Variants in LPP observed in about 807,000 individuals in gnomAD.
The protein encoded by LPP is lipoma-preferred partner.
In LPP, 38 loss-of-function variants were observed where a neutral mutation model predicts 60.4. The ratio of observed to expected loss-of-function variants is 0.63; its 90% CI spans 0.49 to 0.83. The LOEUF is 0.83. Ranked by LOEUF, LPP falls within the 40% of genes least tolerant of loss-of-function variation. The pLI is 0.00. For missense variants in LPP, 902 were observed against 783.6 expected (o/e 1.15, Z -1.80); for synonymous variants, 328 against 290.8 (o/e 1.13, Z -1.30).
chr3:188,177,169 G>C (rs1375462030), intron 1 of LPP, among the ~76,000 whole-genome samples: 1 of 152,198 alleles, frequency 6.6e-6, no homozygotes, highest in Non-Finnish European at 1.5e-5. Flanking sequence ...AGGCCTGGGG[G>C]TGGTCCAGTG....
intron 2 of LPP, among the ~76,000 whole-genome samples, chr3:188,316,054 A>T (rs1332107768): frequency 6.6e-6 from 1 of 152,204 alleles, no homozygotes; most frequent in Non-Finnish European, 1.5e-5. Context: ...CAGGCAGATC[A>T]CCTGAGGTCA....
rs1718509629 is a variant in LPP, at chr3:188,228,164, A to T, written c.-67+2637A>T. ...GAGGATGCTGAGAGGACCAGGAATG[A>T]TGGCCAACCAAGAAGTGTTACGGGA... On this transcript the variant is annotated intron_variant, in intron 2 of 11. Coordinates refer to ENST00000617246, the MANE Select transcript of LPP (RefSeq NM_001375462.1). 2.0e-5 allele frequency among the ~76,000 whole-genome samples: 3 copies of T among 152,232 alleles called. 1 individual carries two copies. The South Asian group carries it at 6.2e-4, about 32-fold the overall frequency.
intron 2 of LPP, chr3:188,240,209 A>G (rs1327156708): frequency 5.6e-6 from 1 of 178,974 alleles, no homozygotes; most frequent in African/African-American, 2.4e-5. Context: ...TTTTCCTTTC[A>G]TAAACTAATT....
At chr3:188,190,792 C>T (rs774349488) in intron 1 of LPP, among the ~76,000 whole-genome samples, 19 of 152,146 alleles carry the variant, frequency 1.2e-4, no homozygotes, top group Admixed American at 7.2e-4. Flanking sequence ...AATTTAGCCC[C>T]GGCCATAATG....
At chr3:188,351,589 G>A (rs977219441) in intron 3 of LPP, among the ~76,000 whole-genome samples, 1 of 152,178 alleles carries the variant, frequency 6.6e-6, no homozygotes, top group South Asian at 2.1e-4. Flanking sequence ...TGTGACAGGT[G>A]TTTTCACATA....
intron 6 of LPP, among the ~76,000 whole-genome samples, chr3:188,569,693 G>A (rs967803342): frequency 3.3e-5 from 5 of 151,954 alleles, no homozygotes; most frequent in Non-Finnish European, 5.9e-5. Context: ...AACTCATCGA[G>A]GCACTAAGTG....
At chr3:188,793,261 A>G (rs924116841) in intron 9 of LPP, among the ~76,000 whole-genome samples, 1 of 150,268 alleles carries the variant, frequency 6.7e-6, no homozygotes, top group African/African-American at 2.5e-5. Context: ...CTGTTCCCGC[A>G]ACCTATGCCT....
chr3:188,223,682 A>C (rs1716651365), intron 1 of LPP, among the ~76,000 whole-genome samples: 1 of 152,108 alleles, frequency 6.6e-6, no homozygotes, highest in Non-Finnish European at 1.5e-5. Flanking sequence ...AAAATCTGGG[A>C]AGTCAGATGC....
intron 8 of LPP, among the ~76,000 whole-genome samples, chr3:188,733,775 GTTGTT>G (rs75447516): frequency 6.6e-6 from 1 of 151,782 alleles, no homozygotes; most frequent in Non-Finnish European, 1.5e-5. Flanking sequence ...TGTTTTTGTG[GTTGTT>G]TTGTTTTGTT....
chr3:188,469,691 T>G (rs184486260), intron 4 of LPP, among the ~76,000 whole-genome samples: 1 of 152,230 alleles, frequency 6.6e-6, no homozygotes, highest in Non-Finnish European at 1.5e-5. Context: ...GGTCTTATGC[T>G]TTTCTCTCAC....
intron 4 of LPP, among the ~76,000 whole-genome samples, chr3:188,440,451 T>C (rs1459274106): frequency 6.6e-6 from 1 of 152,188 alleles, no homozygotes; most frequent in East Asian, 1.9e-4. Flanking sequence ...TAGGATTTTT[T>C]TGTAGTCCTT....
At chr3:188,419,412 G>A (rs1787179418) in intron 4 of LPP, among the ~76,000 whole-genome samples, 1 of 152,182 alleles carries the variant, frequency 6.6e-6, no homozygotes, top group East Asian at 1.9e-4. Context: ...AGAAGAAAGA[G>A]TTTGCTTGGA....
chr3:188,721,795 G>T (rs551825812), intron 8 of LPP, among the ~76,000 whole-genome samples: 1 of 152,158 alleles, frequency 6.6e-6, no homozygotes, highest in Non-Finnish European at 1.5e-5. Flanking sequence ...ATTGTTCCAG[G>T]CATCCAGCAC....
intron 5 of LPP, among the ~76,000 whole-genome samples, chr3:188,508,646 A>G (rs573887255): frequency 6.6e-6 from 1 of 152,358 alleles, no homozygotes; most frequent in Non-Finnish European, 1.5e-5. Context: ...TCGAGGTGGT[A>G]AACGTCTTTG....
intron 5 of LPP, among the ~76,000 whole-genome samples, chr3:188,491,549 A>G (rs1417692268): frequency 6.6e-6 from 1 of 152,216 alleles, no homozygotes; most frequent in Non-Finnish European, 1.5e-5. Context: ...TGACCCTGAC[A>G]GCAACAGTAG....
chr3:188,503,364 C>T (rs979922167), intron 5 of LPP, among the ~76,000 whole-genome samples: 1 of 151,994 alleles, frequency 6.6e-6, no homozygotes, highest in Non-Finnish European at 1.5e-5. Flanking sequence ...CAAAATTGGG[C>T]TTACCAATCA....
chr3:188,803,341 A>G (rs1395066927), intron 9 of LPP, among the ~76,000 whole-genome samples: 1 of 152,100 alleles, frequency 6.6e-6, no homozygotes, highest in African/African-American at 2.4e-5. Context: ...CTTGTTGTAT[A>G]TGCTTTTATG....
intron 2 of LPP, among the ~76,000 whole-genome samples, chr3:188,291,068 A>G (rs1405976781): frequency 6.6e-6 from 1 of 152,228 alleles, no homozygotes; most frequent in Non-Finnish European, 1.5e-5. Context: ...TATTTCACCC[A>G]CCTTCAAAGA....
intron 2 of LPP, among the ~76,000 whole-genome samples, chr3:188,252,749 C>T (rs796683512): frequency 2.0e-5 from 3 of 152,146 alleles, no homozygotes; most frequent in Admixed American, 6.5e-5. Flanking sequence ...GTTACCTGTT[C>T]ATGTCTTTTG....
Sources: gnomAD v4.1 joint callset for allele counts (sites outside exome capture counted in the v4.1 genomes callset) on GRCh38, gnomAD v4.1.1 for gene constraint, MANE v1.5 for transcripts, NCBI Gene and HGNC (gene_info 2026-07-23, HGNC 2026-07-21) for gene names.